CDYL: variants seen among roughly 807,000 people sequenced by gnomAD.
CDYL encodes the protein chromodomain Y like.
Under a neutral mutation model 47.3 loss-of-function variants are expected in CDYL, and 8 were observed. That is an observed-to-expected ratio of 0.17 (90% CI 0.10 to 0.31). The LOEUF (loss-of-function observed/expected upper bound fraction) is 0.31. Among genes scored for constraint, CDYL ranks in the 10% least tolerant of loss-of-function variants. CDYL has a pLI of 1.00. For synonymous variants in CDYL, 266 were observed against 265.0 expected (o/e 1.00, Z -0.04); for missense variants, 471 against 701.4 (o/e 0.67, Z 3.71).
intron 1 of CDYL, among the ~76,000 whole-genome samples, chr6:4,789,801 G>C (rs894502575): frequency 3.9e-5 from 6 of 152,116 alleles, no homozygotes; most frequent in African/African-American, 1.4e-4. Flanking sequence ...TAGGGCCCCC[G>C]CAGCACTCCA....
intron 2 of CDYL, among the ~76,000 whole-genome samples, chr6:4,902,404 CAA>C (rs35164020): frequency 2.6e-4 from 25 of 95,864 alleles, no homozygotes; most frequent in Non-Finnish European, 1.9e-4. Flanking sequence ...AGCTCCATCT[CAA>C]AAAAAAAAAA....
chr6:4,941,085 T>G (rs1334448639), intron 4 of CDYL, among the ~76,000 whole-genome samples: 1 of 152,252 alleles, frequency 6.6e-6, no homozygotes, highest in Non-Finnish European at 1.5e-5. Flanking sequence ...TTAGACTAAT[T>G]ATGTGGCAAA....
At chr6:4,781,167 G>C (rs761592731) in intron 1 of CDYL, among the ~76,000 whole-genome samples, 3 of 152,188 alleles carry the variant, frequency 2.0e-5, no homozygotes, top group Non-Finnish European at 4.4e-5. Flanking sequence ...TTTTAAAGTT[G>C]ATTAGTTTGA....
At chr6:4,948,471 C>T (rs1452793503) in intron 5 of CDYL, among the ~76,000 whole-genome samples, 3 of 152,152 alleles carry the variant, frequency 2.0e-5, no homozygotes, top group African/African-American at 7.2e-5. Context: ...CTTTACTTTA[C>T]GCTTCCCCTG....
chr6:4,881,940 T>C (rs1761774421), intron 1 of CDYL, among the ~76,000 whole-genome samples: 1 of 152,190 alleles, frequency 6.6e-6, no homozygotes, highest in Non-Finnish European at 1.5e-5. Flanking sequence ...AGGACATTCA[T>C]AGAGAAGACA....
chr6:4,763,076 T>C lies in CDYL; in HGVS notation c.186+28232T>C, dbSNP rs369103248. 2.0e-5 allele frequency among the ~76,000 whole-genome samples: 3 copies of C among 152,146 alleles called. No homozygotes were observed. In the East Asian group the frequency reaches 5.8e-4, roughly 29 times the overall value. On this transcript the variant is annotated intron_variant, in intron 3 of 8. Coordinates refer to the CDYL transcript ENST00000328908. Reference sequence around the variant, plus strand: ...GATTACCTTCAAAGGAGCAAAAATATAGCAGATTTCTCAATGGAAACAATT... The same window carrying C: ...GATTACCTTCAAAGGAGCAAAAATACAGCAGATTTCTCAATGGAAACAATT...
chr6:4,753,121 G>C (rs182635984), intron 3 of CDYL, among the ~76,000 whole-genome samples: 27 of 152,006 alleles, frequency 1.8e-4, no homozygotes, highest in African/African-American at 6.3e-4. Context: ...CATGTAGCTC[G>C]GGCTGGACTC....
rs1581251901 is a variant in CDYL at position 4,903,633 on chromosome 6, A to T, written c.691+11254A>T. 3.3e-5 allele frequency among the ~76,000 whole-genome samples: 5 copies of T among 152,158 alleles called. No homozygotes were observed. The East Asian group carries it at 9.6e-4, about 29-fold the overall frequency. On this transcript the variant is annotated intron_variant, in intron 2 of 6. Coordinates refer to ENST00000397588, the MANE Select transcript of CDYL (RefSeq NM_004824.4). ...AGCTTCTGTGTCCTTTCTCACCAGC[A>T]GTCTCTGGCCCCAGTGGAGCCCCAG...
intron 1 of CDYL, among the ~76,000 whole-genome samples, chr6:4,884,539 G>A (rs923419699): frequency 6.6e-6 from 1 of 152,160 alleles, no homozygotes; most frequent in Non-Finnish European, 1.5e-5. Context: ...GTTCTCCAGG[G>A]ATCTTTTGCA....
intron 1 of CDYL, among the ~76,000 whole-genome samples, chr6:4,842,003 A>C (rs1760506231): frequency 6.9e-6 from 1 of 144,954 alleles, no homozygotes; most frequent in African/African-American, 2.5e-5. Context: ...AATATAAATA[A>C]ATTAATTATA....
intron 2 of CDYL, among the ~76,000 whole-genome samples, chr6:4,916,236 A>C (rs1007463575): frequency 6.6e-6 from 1 of 152,244 alleles, no homozygotes; most frequent in Non-Finnish European, 1.5e-5. Context: ...GACTTGTCTC[A>C]GATACTTTCT....
At chr6:4,840,524 T>A (rs375775721) in intron 1 of CDYL, among the ~76,000 whole-genome samples, 2 of 152,224 alleles carry the variant, frequency 1.3e-5, no homozygotes, top group Non-Finnish European at 2.9e-5. Flanking sequence ...TTCAGTGTTA[T>A]GTTGGCTTTG....
At chr6:4,754,331 GTC>G (rs1164207110) in intron 3 of CDYL, among the ~76,000 whole-genome samples, 1 of 152,188 alleles carries the variant, frequency 6.6e-6, no homozygotes, top group Admixed American at 6.5e-5. Context: ...ACATTTTCAA[GTC>G]TCTGAAGTTG....
At chr6:4,842,262 T>G (rs1296946145) in intron 1 of CDYL, among the ~76,000 whole-genome samples, 1 of 147,392 alleles carries the variant, frequency 6.8e-6, no homozygotes, top group Non-Finnish European at 1.5e-5. Context: ...AAATAAATAT[T>G]AATATAAATA....
At chr6:4,933,883 G>A (rs921805138) in intron 2 of CDYL, among the ~76,000 whole-genome samples, 1 of 152,212 alleles carries the variant, frequency 6.6e-6, no homozygotes, top group Non-Finnish European at 1.5e-5. Context: ...GCGTATTGCA[G>A]TGTGAACTGG....
At chr6:4,799,877 G>A (rs1228808818) in intron 1 of CDYL, among the ~76,000 whole-genome samples, 1 of 152,126 alleles carries the variant, frequency 6.6e-6, no homozygotes, top group African/African-American at 2.4e-5. Context: ...GTCATTAGAT[G>A]GATGTATATT....
intron 1 of CDYL, among the ~76,000 whole-genome samples, chr6:4,784,660 G>A (rs902763645): frequency 6.6e-6 from 1 of 152,118 alleles, no homozygotes; most frequent in African/African-American, 2.4e-5. Context: ...GTCTTACGAT[G>A]GTGGTCCCGT....
At chr6:4,817,128 T>A (rs1031819544) in intron 1 of CDYL, among the ~76,000 whole-genome samples, 2 of 152,188 alleles carry the variant, frequency 1.3e-5, no homozygotes, top group African/African-American at 4.8e-5. Flanking sequence ...GGCATTGTAT[T>A]TTTTTGGTGG....
intron 1 of CDYL, among the ~76,000 whole-genome samples, chr6:4,841,197 A>C (rs561130771): frequency 6.6e-6 from 1 of 152,134 alleles, no homozygotes; most frequent in South Asian, 2.1e-4. Context: ...GTTTATGTGC[A>C]TAAAGGTGTT....
Sources: allele counts gnomAD v4.1 joint callset (sites outside exome capture counted in the v4.1 genomes callset), GRCh38; gene constraint gnomAD v4.1.1; transcripts MANE v1.5; gene names NCBI Gene and HGNC (gene_info 2026-07-23, HGNC 2026-07-21).